The following ADRA1A variants were observed in gnomAD, a reference collection of about 807,000 sequenced individuals.
The protein encoded by ADRA1A is alpha-1A adrenergic receptor.
Under a neutral mutation model 29.6 loss-of-function variants are expected in ADRA1A, and 31 were observed. The observed-to-expected ratio is 1.05, with a 90% CI of 0.79 to 1.41. The LOEUF (loss-of-function observed/expected upper bound fraction) is 1.41, where lower values mean the gene tolerates loss of function less well. Among genes scored for constraint, ADRA1A ranks in the 40% most tolerant of loss-of-function variants. ADRA1A has a pLI of 0.00. For synonymous variants in ADRA1A, 311 were observed against 254.3 expected, an observed-to-expected ratio of 1.22 and a Z score of -2.12; for missense variants, 619 against 601.1, an observed-to-expected ratio of 1.03 and a Z score of -0.31.
At chr8:26,859,283 A>T (rs1021790217) in intron 2 of ADRA1A, 6 of 968,488 alleles carry the variant, frequency 6.2e-6, no homozygotes, top group Non-Finnish European at 8.4e-6. Flanking sequence ...GACAGTTAAT[A>T]AAAAAACATA....
chr8:26,837,573 C>T (rs963519665), intron 2 of ADRA1A, among the ~76,000 whole-genome samples: 1 of 151,240 alleles, frequency 6.6e-6, no homozygotes, highest in African/African-American at 2.4e-5. Context: ...ATCGCTTGAG[C>T]CTGGGAGGTG....
At chr8:26,776,225 A>T (rs1385106738) in intron 2 of ADRA1A, among the ~76,000 whole-genome samples, 2 of 152,192 alleles carry the variant, frequency 1.3e-5, no homozygotes, top group African/African-American at 4.8e-5. Flanking sequence ...TCGAATTCCT[A>T]TCCAGCACTG....
intron 2 of ADRA1A, among the ~76,000 whole-genome samples, chr8:26,828,675 A>G (rs1810764625): frequency 6.6e-6 from 1 of 152,004 alleles, no homozygotes; most frequent in African/African-American, 2.4e-5. Context: ...CATTTTCTGG[A>G]TTTTAGAGGA....
In ADRA1A at chr8:26,864,279, G is replaced by T; in HGVS notation, c.691C>A (p.Gln231Lys). The change falls in exon 2 of 3, where the codon CAA becomes AAA. Residue 231 changes from glutamine to lysine, a missense_variant. Transcript: ENST00000380573. This position sits in a 1 kb window ranked among gnomAD's most constrained non-coding sequence, Gnocchi z 8.1. The part of the protein sequence containing the change: ...GLKTDKSDSE[Q>K]VTLRIHRKNA... The stretch of plus-strand genomic sequence containing the variant: ...TTCCGATGGATGCGGAGCGTCACTT[G>T]CTCCGAGTCCGACTTGTCGGTCTTG... 1 of 1,614,150 alleles carries T rather than the reference G, an allele frequency of 6.2e-7. No homozygotes were observed.
intron 2 of ADRA1A, among the ~76,000 whole-genome samples, chr8:26,859,787 T>C (rs1303675379): frequency 2.7e-5 from 4 of 148,326 alleles, no homozygotes; most frequent in Non-Finnish European, 6.0e-5. Flanking sequence ...TTTTTTTTTT[T>C]AGACAGAATC....
At chr8:26,814,211 C>T (rs915904262) in intron 2 of ADRA1A, among the ~76,000 whole-genome samples, 2 of 151,720 alleles carry the variant, frequency 1.3e-5, no homozygotes, top group Non-Finnish European at 1.5e-5. Context: ...AAACATACTT[C>T]CTAGAATTAA....
At chr8:26,791,189 A>T (rs941123911) in intron 2 of ADRA1A, among the ~76,000 whole-genome samples, 2 of 152,116 alleles carry the variant, frequency 1.3e-5, no homozygotes, top group African/African-American at 2.4e-5. Flanking sequence ...TTAGTATTTC[A>T]TTGCATGAAT....
At chr8:26,797,336 G>A (rs6995233) in intron 2 of ADRA1A, among the ~76,000 whole-genome samples, 49,968 of 151,712 alleles carry the variant, frequency 0.33, 9,249 homozygotes, top group East Asian at 0.56. Flanking sequence ...TCGCTCTGTC[G>A]CCCAGGCTGG....
intron 2 of ADRA1A, among the ~76,000 whole-genome samples, chr8:26,801,034 T>C (rs971834717): frequency 1.3e-5 from 2 of 152,200 alleles, no homozygotes; most frequent in African/African-American, 4.8e-5. Flanking sequence ...AACTGTATGA[T>C]TATTTCAATT....
intron 2 of ADRA1A, among the ~76,000 whole-genome samples, chr8:26,774,667 T>TA (rs778840683): frequency 1.1e-3 from 140 of 131,186 alleles, no homozygotes; most frequent in Admixed American, 1.1e-3. Context: ...AACCCCTGTC[T>TA]AAAAAAAAAA....
downstream of ADRA1A, among the ~76,000 whole-genome samples, chr8:26,755,548 G>T (rs911906957): frequency 1.3e-5 from 2 of 152,184 alleles, no homozygotes; most frequent in Non-Finnish European, 2.9e-5. Context: ...AGGTTCACCA[G>T]CCCCTGGGCC....
chr8:26,837,901 C>T (rs1381233649), intron 2 of ADRA1A, among the ~76,000 whole-genome samples: 3 of 152,190 alleles, frequency 2.0e-5, no homozygotes, highest in South Asian at 2.1e-4. Flanking sequence ...TATCTCAATA[C>T]ATTACTTTAG....
chr8:26,859,800 G>A lies in ADRA1A; in HGVS notation c.883+4287C>T, dbSNP rs553551196. Among the ~76,000 whole-genome samples the A allele has an allele frequency of 2.6e-3, 381 of 144,834 alleles. 2 individuals carry two copies. The highest frequency in any genetic ancestry group is 4.1e-3 in the Non-Finnish European group (273 of 66,890). On this transcript the variant is annotated intron_variant, in intron 2 of 2. Coordinates refer to ENST00000380573, the MANE Select transcript of ADRA1A (RefSeq NM_000680.4). Reference sequence around the variant, plus strand: ...TTTTTTTTTTTTTAGACAGAATCTCGCTCTGTCACCCAGGCTGGAGTGCAG... The same window carrying A: ...TTTTTTTTTTTTTAGACAGAATCTCACTCTGTCACCCAGGCTGGAGTGCAG...
At chr8:26,808,740 C>T (rs1407861829) in intron 2 of ADRA1A, among the ~76,000 whole-genome samples, 1 of 152,252 alleles carries the variant, frequency 6.6e-6, no homozygotes, top group East Asian at 1.9e-4. Flanking sequence ...TTCTTCTCTG[C>T]CTTGAACTCT....
At chr8:26,797,128 G>A (rs1808241851) in intron 2 of ADRA1A, among the ~76,000 whole-genome samples, 1 of 152,082 alleles carries the variant, frequency 6.6e-6, no homozygotes, top group African/African-American at 2.4e-5. Context: ...ATTAAATGAA[G>A]AGCAGATATG....
chr8:26,862,547 C>A (rs1272522690), intron 2 of ADRA1A, among the ~76,000 whole-genome samples: 1 of 152,166 alleles, frequency 6.6e-6, no homozygotes, highest in African/African-American at 2.4e-5. Flanking sequence ...TGAGCGAGCA[C>A]ACGCATGAAT....
chr8:26,782,360 G>A (rs1166299357), intron 2 of ADRA1A, among the ~76,000 whole-genome samples: 4 of 152,198 alleles, frequency 2.6e-5, no homozygotes, highest in African/African-American at 7.2e-5. Flanking sequence ...CATGCAGGAT[G>A]TCTTTTTGGA....
chr8:26,830,782 T>A (rs977098557), intron 2 of ADRA1A, among the ~76,000 whole-genome samples: 2 of 152,214 alleles, frequency 1.3e-5, no homozygotes, highest in African/African-American at 2.4e-5. Flanking sequence ...TGTCAACTAC[T>A]CCCTCTGGGC....
chr8:26,838,366 G>A (rs1811550261), intron 2 of ADRA1A, among the ~76,000 whole-genome samples: 1 of 152,178 alleles, frequency 6.6e-6, no homozygotes, highest in Non-Finnish European at 1.5e-5. Flanking sequence ...GCTTAGTGAT[G>A]AGTAGAAAAT....
Sources: allele counts gnomAD v4.1 joint callset (sites outside exome capture counted in the v4.1 genomes callset), GRCh38; gene constraint gnomAD v4.1.1; non-coding constraint Gnocchi (gnomAD v3.1); transcripts MANE v1.5; gene names NCBI Gene and HGNC (gene_info 2026-07-23, HGNC 2026-07-21).